The following NCKAP5 variants were observed in gnomAD, a reference collection of about 807,000 sequenced individuals.
NCKAP5 encodes nck-associated protein 5.
In NCKAP5, 92 loss-of-function variants were observed where a neutral mutation model predicts 167.0. The ratio of observed to expected loss-of-function variants is 0.55; its 90% confidence interval spans 0.47 to 0.66. The LOEUF (loss-of-function observed/expected upper bound fraction) is 0.66. NCKAP5 is among the 30% of genes least tolerant of loss of function. NCKAP5 has a pLI of 0.00. For synonymous variants in NCKAP5, 891 were observed against 877.4 expected (o/e 1.02, Z -0.27); for missense variants, 2,378 against 2,315.0 (o/e 1.03, Z -0.56).
In NCKAP5 at chr2:132,894,320, G is replaced by A. The variant is rs574024459; in HGVS notation, c.580-15404C>T. Among the ~76,000 whole-genome samples, 6 of 152,364 alleles carry A rather than the reference G, an allele frequency of 3.9e-5. No homozygotes were observed. The South Asian group carries it at 1.0e-3, about 26-fold the overall frequency. ...GAGAAGGAGAGCCAAAGACGACACTGAGTTTTATATTCTGGGTCTCCGCCA... is the reference window on the plus strand; with the variant it reads ...GAGAAGGAGAGCCAAAGACGACACTAAGTTTTATATTCTGGGTCTCCGCCA... On this transcript the variant is annotated intron_variant, in intron 8 of 19. Coordinates refer to ENST00000409261, the MANE Select transcript of NCKAP5 (RefSeq NM_207363.3).
chr2:132,829,302 G>A (rs577109780), intron 11 of NCKAP5, among the ~76,000 whole-genome samples: 80 of 152,222 alleles, frequency 5.3e-4, no homozygotes, highest in Non-Finnish European at 9.7e-4. Context: ...TGTAAGATGG[G>A]AGCAGCAACG....
intron 4 of NCKAP5, chr2:133,268,435 C>A (rs2089343674): frequency 6.7e-6 from 1 of 149,608 alleles, no homozygotes; most frequent in Admixed American, 6.7e-5. Flanking sequence ...TCCCAGTAAG[C>A]AAATCATGTA....
chr2:133,383,023 A>T (rs1686637548), intron 3 of NCKAP5, among the ~76,000 whole-genome samples: 1 of 152,184 alleles, frequency 6.6e-6, no homozygotes, highest in Admixed American at 6.5e-5. Context: ...CACAGCTTCC[A>T]GGCACATGTA....
intron 19 of NCKAP5, among the ~76,000 whole-genome samples, chr2:132,721,347 C>T (rs975361997): frequency 1.0e-5 from 1 of 95,320 alleles, no homozygotes; most frequent in African/African-American, 5.4e-5. Flanking sequence ...TTCAGGGAAC[C>T]AAGGAGAAAG....
chr2:133,008,629 A>G (rs535900002), intron 6 of NCKAP5, among the ~76,000 whole-genome samples: 12 of 152,266 alleles, frequency 7.9e-5, no homozygotes, highest in African/African-American at 2.6e-4. Context: ...CCCAATATTT[A>G]TTGTTTAAAA....
chr2:133,554,763 G>T (rs1439614627), intron 2 of NCKAP5, among the ~76,000 whole-genome samples: 1 of 152,154 alleles, frequency 6.6e-6, no homozygotes, highest in Admixed American at 6.5e-5. Context: ...TCAATATCAG[G>T]TACCATGGGC....
intron 3 of NCKAP5, among the ~76,000 whole-genome samples, chr2:133,478,053 CTT>C (rs1680092327): frequency 1.3e-5 from 2 of 152,136 alleles, no homozygotes; most frequent in South Asian, 4.1e-4. Flanking sequence ...TATAAACACT[CTT>C]ATTATTCCAT....
Position 132,783,643 on chromosome 2 carries a change from G to C in NCKAP5, c.3168C>G (p.Thr1056=), listed in dbSNP as rs770427804. Reference sequence around the variant, plus strand: ...TCTGTAATCCTATGTCCCTTTGTGGGGTCCCAAGTGTTTGGCGAGGAGAGG... The same window carrying C: ...TCTGTAATCCTATGTCCCTTTGTGGCGTCCCAAGTGTTTGGCGAGGAGAGG... ...PKTSPRQTLG[T]PQRDIGLQTP... Residue 1056 remains threonine, a synonymous_variant, in exon 14 of 20, where the codon ACC becomes ACG. Transcript: ENST00000409261. 1.9e-6 allele frequency: 3 copies of C among 1,613,870 alleles called. No homozygotes were observed. In the South Asian group the frequency reaches 3.3e-5, roughly 18 times the overall value.
intron 2 of NCKAP5, among the ~76,000 whole-genome samples, chr2:133,540,040 C>T (rs1020246616): frequency 6.3e-4 from 96 of 152,060 alleles, no homozygotes; most frequent in African/African-American, 2.3e-3. Flanking sequence ...GTTAGCTGGG[C>T]GTGGTAGCAC....
chr2:132,675,586 A>G (rs554478587), intron 19 of NCKAP5, among the ~76,000 whole-genome samples: 16 of 152,296 alleles, frequency 1.1e-4, no homozygotes, highest in African/African-American at 3.8e-4. Flanking sequence ...CAAGATTACC[A>G]GGTGATTCTG....
chr2:133,019,714 T>C (rs184794072), intron 6 of NCKAP5, among the ~76,000 whole-genome samples: 1 of 152,190 alleles, frequency 6.6e-6, no homozygotes, highest in Non-Finnish European at 1.5e-5. Context: ...GTGGAGAAAA[T>C]AACCCAAACC....
intron 3 of NCKAP5, among the ~76,000 whole-genome samples, chr2:133,404,428 T>C (rs1012549864): frequency 6.6e-6 from 1 of 152,214 alleles, no homozygotes; most frequent in Admixed American, 6.5e-5. Context: ...CATAGATACA[T>C]ATATAGCTAT....
At chr2:132,920,709 GTA>G (rs1695274473) in intron 8 of NCKAP5, among the ~76,000 whole-genome samples, 1 of 69,992 alleles carries the variant, frequency 1.4e-5, no homozygotes. Flanking sequence ...ATACGTATAT[GTA>G]TATATATGTA....
chr2:133,558,196 G>A (rs1204930905), intron 2 of NCKAP5: 1 of 152,152 alleles, frequency 6.6e-6, no homozygotes, highest in Non-Finnish European at 1.5e-5. Flanking sequence ...TTAATGAGAT[G>A]AGCATTATAA....
intron 6 of NCKAP5, among the ~76,000 whole-genome samples, chr2:133,026,324 C>A (rs1407293961): frequency 1.3e-5 from 2 of 150,602 alleles, no homozygotes; most frequent in Non-Finnish European, 2.9e-5. Context: ...TGCTGAGTAG[C>A]ACATATTCTT....
chr2:132,741,325 T>C (rs1038088229), intron 16 of NCKAP5, among the ~76,000 whole-genome samples: 4 of 152,116 alleles, frequency 2.6e-5, no homozygotes, highest in Admixed American at 1.3e-4. Flanking sequence ...AGTCTTCACA[T>C]AACTGCTTCA....
intron 5 of NCKAP5, among the ~76,000 whole-genome samples, chr2:133,147,584 T>C (rs1559192190): frequency 1.3e-5 from 2 of 152,114 alleles, no homozygotes; most frequent in South Asian, 4.1e-4. Context: ...CAATCTTTCA[T>C]GGAGACACTG....
At chr2:132,866,490 C>T (rs1026975671) in intron 10 of NCKAP5, among the ~76,000 whole-genome samples, 8 of 152,146 alleles carry the variant, frequency 5.3e-5, no homozygotes. Flanking sequence ...AGGGAATCCA[C>T]AGGTTTTTGA....
intron 3 of NCKAP5, among the ~76,000 whole-genome samples, chr2:133,360,032 A>G (rs1394074616): frequency 6.6e-6 from 1 of 152,146 alleles, no homozygotes; most frequent in Non-Finnish European, 1.5e-5. Context: ...CAAAGTCATG[A>G]TTTTATACCT....
Sources: gnomAD v4.1 joint callset for allele counts (sites outside exome capture counted in the v4.1 genomes callset) on GRCh38, gnomAD v4.1.1 for gene constraint, MANE v1.5 for transcripts, NCBI Gene and HGNC (gene_info 2026-07-23, HGNC 2026-07-21) for gene names.